EPHA5: variants seen among roughly 807,000 people sequenced by gnomAD.
EPHA5 encodes ephrin type-A receptor 5.
Under a neutral mutation model 105.0 loss-of-function variants are expected in EPHA5, and 60 were observed. That is an observed-to-expected ratio of 0.57 (90% CI 0.46 to 0.71). The LOEUF is 0.71. EPHA5 is among the 30% of genes least tolerant of loss of function. EPHA5 has a pLI of 0.00. For missense variants in EPHA5, 1,218 were observed against 1,274.7 expected (o/e 0.96, Z 0.68); for synonymous variants, 513 against 449.1 (o/e 1.14, Z -1.80).
chr4:65,390,838 A>C (rs997053846), intron 8 of EPHA5, among the ~76,000 whole-genome samples: 1 of 152,070 alleles, frequency 6.6e-6, no homozygotes, highest in African/African-American at 2.4e-5. Flanking sequence ...GAGGAGAAAA[A>C]AAGTAATGAG....
chr4:65,351,671 A>G (rs962266360), intron 12 of EPHA5, 73 bp from the exon 13 acceptor site: 5 of 1,321,318 alleles, frequency 3.8e-6, no homozygotes, highest in Admixed American at 1.8e-5. Flanking sequence ...GTCTGTATTC[A>G]ATCCCCCAAA....
chr4:65,495,362 C>T (rs1174054886), intron 4 of EPHA5, 26 bp downstream of exon 4: 8 of 1,602,826 alleles, frequency 5.0e-6, no homozygotes, highest in East Asian at 2.2e-5. Context: ...AAGTTAGCAC[C>T]ACCAAATATC....
At chr4:65,594,369 A>G (rs1742970053) in intron 3 of EPHA5, among the ~76,000 whole-genome samples, 1 of 152,192 alleles carries the variant, frequency 6.6e-6, no homozygotes, top group Admixed American at 6.6e-5. Flanking sequence ...ATGAAACTCA[A>G]GTCCATTAAT....
At chr4:65,510,785 C>G (rs1435044907) in intron 3 of EPHA5, among the ~76,000 whole-genome samples, 2 of 151,988 alleles carry the variant, frequency 1.3e-5, no homozygotes, top group Non-Finnish European at 2.9e-5. Context: ...TGTTGAGGCA[C>G]TGGCATGTGC....
chr4:65,498,866 C>A (rs1013980401), intron 3 of EPHA5, among the ~76,000 whole-genome samples: 5 of 151,666 alleles, frequency 3.3e-5, no homozygotes, highest in African/African-American at 1.2e-4. Context: ...ATGTCATAAA[C>A]TGTAATTATT....
chr4:65,422,661 ACT>A (rs1369688023), intron 5 of EPHA5, among the ~76,000 whole-genome samples: 7 of 151,928 alleles, frequency 4.6e-5, no homozygotes, highest in Non-Finnish European at 1.0e-4. Context: ...AATATTCCAA[ACT>A]CTTTCCATAT....
At chr4:65,628,168 CA>C (rs1393497526) in intron 2 of EPHA5, among the ~76,000 whole-genome samples, 2 of 151,986 alleles carry the variant, frequency 1.3e-5, no homozygotes, top group African/African-American at 4.8e-5. Flanking sequence ...TGAAGAATCC[CA>C]ACTATAAAAT....
intron 8 of EPHA5, among the ~76,000 whole-genome samples, chr4:65,392,527 A>C (rs1396741088): frequency 6.6e-6 from 1 of 152,160 alleles, no homozygotes; most frequent in African/African-American, 2.4e-5. Flanking sequence ...ATATCAATTT[A>C]TAAAAGTTAT....
chr4:65,540,802 T>C (rs941461866), intron 3 of EPHA5, among the ~76,000 whole-genome samples: 5 of 150,216 alleles, frequency 3.3e-5, no homozygotes, highest in Non-Finnish European at 7.4e-5. Flanking sequence ...CTCTCTTTAA[T>C]GGTATGAGTT....
intron 5 of EPHA5, among the ~76,000 whole-genome samples, chr4:65,434,610 T>C (rs572460935): frequency 3.2e-4 from 48 of 152,266 alleles, no homozygotes; most frequent in Middle Eastern, 3.4e-3. Context: ...ATTTGAAATA[T>C]CACTAAATAT....
intron 5 of EPHA5, among the ~76,000 whole-genome samples, chr4:65,477,365 A>G (rs891867673): frequency 6.6e-6 from 1 of 152,030 alleles, no homozygotes; most frequent in Admixed American, 6.6e-5. Context: ...CACTTACTAG[A>G]TCTGTGACCT....
At chr4:65,512,430 T>C (rs1184666786) in intron 3 of EPHA5, among the ~76,000 whole-genome samples, 1 of 152,146 alleles carries the variant, frequency 6.6e-6, no homozygotes, top group South Asian at 2.1e-4. Context: ...AGGTAGGGCC[T>C]GGTGGGAGGC....
At chr4:65,443,391 T>C (rs557735431) in intron 5 of EPHA5, among the ~76,000 whole-genome samples, 5 of 151,148 alleles carry the variant, frequency 3.3e-5, no homozygotes, top group South Asian at 4.2e-4. Context: ...ACAGAGGGCA[T>C]TTAATATAGG....
chr4:65,328,775 T>C (rs1009306418), intron 16 of EPHA5, among the ~76,000 whole-genome samples: 1 of 151,116 alleles, frequency 6.6e-6, no homozygotes, highest in African/African-American at 2.4e-5. Context: ...ATGGAAGAGA[T>C]GTTGTCAGGG....
intron 7 of EPHA5, among the ~76,000 whole-genome samples, chr4:65,413,696 G>A (rs1445935989): frequency 2.0e-5 from 3 of 151,900 alleles, no homozygotes; most frequent in Non-Finnish European, 4.4e-5. Context: ...ATGTGTTTAG[G>A]GCAAGTAAGT....
At chr4:65,657,533 T>C (rs1749181042) in intron 1 of EPHA5, among the ~76,000 whole-genome samples, 1 of 152,184 alleles carries the variant, frequency 6.6e-6, no homozygotes, top group Admixed American at 6.6e-5. Context: ...TACAGTATTC[T>C]ACTAACAAAT....
At chr4:65,470,955 G>A (rs1729227065) in intron 5 of EPHA5, among the ~76,000 whole-genome samples, 1 of 152,154 alleles carries the variant, frequency 6.6e-6, no homozygotes, top group Non-Finnish European at 1.5e-5. Context: ...AATCCCAGCA[G>A]CCATACACTG....
intron 1 of EPHA5, among the ~76,000 whole-genome samples, chr4:65,661,282 T>A (rs938499914): frequency 2.8e-4 from 43 of 152,028 alleles, no homozygotes; most frequent in Admixed American, 1.7e-3. Flanking sequence ...GTTGTTGTTG[T>A]TGATCTGTCT....
intron 5 of EPHA5, among the ~76,000 whole-genome samples, chr4:65,483,347 A>C (rs1730571498): frequency 6.6e-6 from 1 of 152,192 alleles, no homozygotes; most frequent in Non-Finnish European, 1.5e-5. Context: ...TTATAGCAGC[A>C]TGACTTACAA....
Sources: gnomAD v4.1 joint callset for allele counts (sites outside exome capture counted in the v4.1 genomes callset) on GRCh38, gnomAD v4.1.1 for gene constraint, MANE v1.5 for transcripts, NCBI Gene and HGNC (gene_info 2026-07-23, HGNC 2026-07-21) for gene names.